Variants in YTHDC2 observed in about 807,000 individuals in gnomAD.
YTHDC2 encodes the protein 3'-5' RNA helicase YTHDC2.
A neutral mutation model predicts 174.9 loss-of-function variants in YTHDC2; 45 were observed. The ratio of observed to expected loss-of-function variants is 0.26; its 90% CI spans 0.20 to 0.33. The LOEUF (loss-of-function observed/expected upper bound fraction) is 0.33, where lower values mean the gene tolerates loss of function less well. YTHDC2 is among the 10% of genes least tolerant of loss of function. The pLI is 1.00. For missense variants in YTHDC2, 1,650 were observed against 1,723.7 expected (o/e 0.96, Z 0.76); for synonymous variants, 657 against 574.5 (o/e 1.14, Z -2.05).
Position 113,548,895 on chromosome 5 carries a change from T to A in YTHDC2, c.1623-60T>A. On this transcript the variant is annotated intron_variant, in intron 11 of 29. Transcript: ENST00000161863. ...GACAGGGTCTTGATGTTGCCCAGGC[T>A]CATCATGAACTAGTTTTACAATTTT... 8 of 1,502,862 alleles carry A rather than the reference T, an allele frequency of 5.3e-6. No homozygotes were observed. The South Asian group carries it at 7.6e-5, about 14-fold the overall frequency. 93.1% of individuals were successfully genotyped at this position (1,502,862 alleles called of 1,614,324 possible).
intron 23 of YTHDC2, among the ~76,000 whole-genome samples, chr5:113,570,953 G>T (rs190880191): frequency 2.0e-5 from 3 of 151,962 alleles, no homozygotes; most frequent in Non-Finnish European, 2.9e-5. Flanking sequence ...GCACCCACCC[G>T]ACGTGAATAC....
rs765544167 is a variant in YTHDC2, at chr5:113,567,205, G to T, written c.2956G>T (p.Val986Leu). ...AGGCATGTATCCTAATTTAGTCCAC[G>T]TGGACAGAGAGAATCTAGTGTTGAC... ...VAGMYPNLVH[V>L]DRENLVLTGP... The change falls in exon 22 of 30, where the codon GTG (valine) becomes TTG (leucine). Residue 986 changes from valine to leucine, a missense_variant. Physicochemically the swap from Val to Leu is conservative, Grantham distance 32. Around this residue, in one of 5 missense-constraint regions of YTHDC2, gnomAD observed 913 missense variants for 940.4 expected, o/e 0.97. Coordinates refer to ENST00000161863, the MANE Select transcript of YTHDC2 (RefSeq NM_022828.5). 1.2e-5 allele frequency: 19 copies of T among 1,613,606 alleles called. No homozygotes were observed. Among genetic ancestry groups the T allele is most frequent in the Non-Finnish European group, 1.5e-5 (18 of 1,179,912 alleles).
At chr5:113,579,522 C>T in intron 23 of YTHDC2, 64 bp from the exon 24 acceptor site, 2 of 1,228,808 alleles carry the variant, frequency 1.6e-6, no homozygotes, top group South Asian at 3.2e-5. Flanking sequence ...ATTTATTCTT[C>T]TTAGTTTTTT....
intron 23 of YTHDC2, 58 bp downstream of exon 23, chr5:113,567,907 T>A: frequency 1.5e-6 from 2 of 1,303,830 alleles, no homozygotes; most frequent in Admixed American, 2.7e-5. Context: ...TTTTACCAAA[T>A]AATGAAATTA....
At chr5:113,592,462 T>A in intron 28 of YTHDC2, 1 of 231,012 alleles carries the variant, frequency 4.3e-6, no homozygotes, top group Non-Finnish European at 8.4e-6. Context: ...TGTTTATTTC[T>A]ATTGTGTTTT....
chr5:113,553,369 T>A lies in YTHDC2; in HGVS notation c.1867+10T>A. ...CATAGTTGTGATGCTGGTAAATACGTGTTGTCTAAAAGAACTGGAGCAAAA... is the reference window on the plus strand; with the variant it reads ...CATAGTTGTGATGCTGGTAAATACGAGTTGTCTAAAAGAACTGGAGCAAAA... On this transcript the variant is annotated intron_variant, in intron 13 of 29. Coordinates refer to ENST00000161863, the MANE Select transcript of YTHDC2 (RefSeq NM_022828.5). 1 of 1,583,868 alleles carries A rather than the reference T, an allele frequency of 6.3e-7. No homozygotes were observed.
intron 10 of YTHDC2, among the ~76,000 whole-genome samples, chr5:113,545,586 T>C (rs148541763): frequency 0.013 from 1,905 of 152,186 alleles, 23 homozygotes; most frequent in Middle Eastern, 0.034. Flanking sequence ...TCTCTTCTTT[T>C]GTTGAAGAGC....
At chr5:113,523,380 T>G (rs1774005667) in intron 2 of YTHDC2, among the ~76,000 whole-genome samples, 2 of 152,126 alleles carry the variant, frequency 1.3e-5, no homozygotes, top group South Asian at 4.1e-4. Flanking sequence ...TGGTGCTCAG[T>G]TCAGCTCACT....
intron 12 of YTHDC2, among the ~76,000 whole-genome samples, chr5:113,552,524 T>C (rs1244135646): frequency 6.6e-6 from 1 of 152,170 alleles, no homozygotes; most frequent in African/African-American, 2.4e-5. Context: ...CTAATACATA[T>C]TCTATGGATA....
At chr5:113,526,936 T>C (rs1312550871) in intron 4 of YTHDC2, 151 bp downstream of exon 4, 2 of 202,058 alleles carry the variant, frequency 9.9e-6, no homozygotes, top group African/African-American at 4.7e-5. Flanking sequence ...TAGTAATGGT[T>C]ATTTCAGAAG....
At chr5:113,548,494 G>C in intron 10 of YTHDC2, 47 bp from the exon 11 acceptor site, 1 of 1,543,688 alleles carries the variant, frequency 6.5e-7, no homozygotes, top group Non-Finnish European at 8.7e-7. Flanking sequence ...AAAATGGTTT[G>C]AAGTACTTTG....
rs1396195714 is a variant in YTHDC2 at position 113,548,660 on chromosome 5, A to C, written c.1615A>C (p.Asn539His). ...AGCCAATGTCCATAGTAAAGCATCA[A>C]ATGGCTGGTAATTTTAAACTACGTT... is the stretch of plus-strand genomic sequence containing the variant. ...MGANVHSKAS[N>H]GWMALDWAKH... The change falls in exon 11 of 30, where the codon AAT becomes CAT. Residue 539 changes from asparagine to histidine, a missense_variant. Physicochemically the swap from Asn to His is moderately conservative, Grantham distance 68. This residue lies in a region of YTHDC2 where 411 missense variants were observed against 380.6 expected (regional missense o/e 1.08). Coordinates refer to ENST00000161863, the MANE Select transcript of YTHDC2 (RefSeq NM_022828.5). 1 of 1,605,278 alleles carries C rather than the reference A, an allele frequency of 6.2e-7. No homozygotes were observed. The highest frequency in any genetic ancestry group is 1.3e-5 in the African/African-American group (1 of 74,636).
intron 23 of YTHDC2, 39 bp downstream of exon 23, chr5:113,567,888 AT>A (rs752072533): frequency 0.051 from 52,657 of 1,033,280 alleles, no homozygotes; most frequent in East Asian, 0.063. Context: ...TTTGAAATGA[AT>A]TTTTTTTTTT....
chr5:113,587,809 A>T (rs150328134), intron 26 of YTHDC2, among the ~76,000 whole-genome samples: 21 of 151,518 alleles, frequency 1.4e-4, no homozygotes, highest in African/African-American at 5.1e-4. Context: ...ATTTTTTGGT[A>T]TTTTGAGTGG....
chr5:113,534,211 T>TAA, intron 5 of YTHDC2, 94 bp from the exon 6 acceptor site: 1 of 932,438 alleles, frequency 1.1e-6, no homozygotes, highest in Non-Finnish European at 1.7e-6. Context: ...TAATATTTAT[T>TAA]AAAATGTGTA....
intron 7 of YTHDC2, among the ~76,000 whole-genome samples, chr5:113,536,252 G>A (rs59757131): frequency 0.033 from 5,015 of 152,306 alleles, 266 homozygotes; most frequent in African/African-American, 0.11. Context: ...TAGGCCGGGC[G>A]TGGGGGCTCA....
intron 7 of YTHDC2, among the ~76,000 whole-genome samples, chr5:113,536,781 T>A (rs1211316476): frequency 6.6e-6 from 1 of 151,676 alleles, no homozygotes; most frequent in Non-Finnish European, 1.5e-5. Flanking sequence ...TAACAGTGTT[T>A]TATATATATT....
intron 24 of YTHDC2, chr5:113,581,123 T>C (rs1277051356): frequency 4.4e-6 from 1 of 229,828 alleles, no homozygotes; most frequent in African/African-American, 2.3e-5. Flanking sequence ...ATGAGCTACA[T>C]ATATTTTTAT....
intron 24 of YTHDC2, 28 bp downstream of exon 24, chr5:113,579,723 A>G: frequency 3.2e-6 from 5 of 1,567,620 alleles, no homozygotes; most frequent in Non-Finnish European, 4.3e-6. Flanking sequence ...AGTGTAATAA[A>G]TTTCTTTCAT....
Sources: gnomAD v4.1 joint callset for allele counts (sites outside exome capture counted in the v4.1 genomes callset) on GRCh38, gnomAD v4.1.1 for gene constraint, gnomAD v4.1.1 regional missense constraint, MANE v1.5 for transcripts, NCBI Gene and HGNC (gene_info 2026-07-23, HGNC 2026-07-21) for gene names.